The following AKR1E2 variants were observed in gnomAD, a reference collection of about 807,000 sequenced individuals.
AKR1E2 encodes the protein 1,5-anhydro-D-fructose reductase.
AKR1E2 carries 43 observed loss-of-function variants against 41.9 expected under a neutral mutation model. That is an observed-to-expected ratio of 1.03 (90% CI 0.80 to 1.32). The LOEUF (loss-of-function observed/expected upper bound fraction) is 1.32. AKR1E2 is among the 40% of genes most tolerant of loss of function. AKR1E2 has a pLI of 0.00. For missense variants in AKR1E2, 423 were observed against 396.5 expected (o/e 1.07, Z -0.57); for synonymous variants, 121 against 138.9 (o/e 0.87, Z 0.91).
intron 3 of AKR1E2, among the ~76,000 whole-genome samples, chr10:4,834,345 T>C (rs979840131): frequency 1.4e-4 from 21 of 152,266 alleles, no homozygotes; most frequent in African/African-American, 4.8e-4. Context: ...ACTAAGGCTT[T>C]GTATCTAGTT....
chr10:4,844,329 G>T (rs1281430879), intron 8 of AKR1E2, among the ~76,000 whole-genome samples: 1 of 152,184 alleles, frequency 6.6e-6, no homozygotes, highest in Non-Finnish European at 1.5e-5. Flanking sequence ...TGATGCTGCA[G>T]ACCTTTGCGG....
At chr10:4,844,275 G>T (rs1010231345) in intron 8 of AKR1E2, among the ~76,000 whole-genome samples, 6 of 152,128 alleles carry the variant, frequency 3.9e-5, no homozygotes, top group Non-Finnish European at 5.9e-5. Context: ...GTCTGGAGTT[G>T]TTCGTTCCTC....
At position 4,837,488 on chromosome 10, in the gene AKR1E2, G is replaced by A; in HGVS notation, c.489G>A (p.Leu163=). Residue 163 remains leucine, a synonymous_variant, in exon 5 of 10, where the codon CTG becomes CTA. Coordinates refer to ENST00000298375, the MANE Select transcript of AKR1E2 (RefSeq NM_001040177.3). ...EAMEDLVITG[L]VKNIGVSNFN... ...TGGAGGACCTGGTGATCACCGGGCT[G>A]GTGAAGAACATCGGGGTGTCAAACT... 1.9e-6 allele frequency: 3 copies of A among 1,614,188 alleles called. No homozygotes were observed. Among genetic ancestry groups the A allele is most frequent in the Non-Finnish European group, 1.7e-6 (2 of 1,180,032 alleles).
the AKR1E2 span, among the ~76,000 whole-genome samples, chr10:4,870,000 C>CTGTTTT: frequency 6.7e-6 from 1 of 150,270 alleles, no homozygotes. Flanking sequence ...TGAAAAGAAT[C>CTGTTTT]TGTTTTGTGC....
intron 3 of AKR1E2, 76 bp downstream of exon 3, chr10:4,833,542 G>A (rs753859997): frequency 1.6e-6 from 2 of 1,262,942 alleles, no homozygotes; most frequent in East Asian, 4.6e-5. Flanking sequence ...CTTGCGGTGG[G>A]GAGAGCATGG....
At chr10:4,845,199 A>G (rs2123353) in intron 8 of AKR1E2, among the ~76,000 whole-genome samples, 43,518 of 151,980 alleles carry the variant, frequency 0.29, 6,399 homozygotes, top group Middle Eastern at 0.39. Flanking sequence ...AGGGCTTGCC[A>G]GCCGCTCCGA....
chr10:4,867,677 G>T, the AKR1E2 span, among the ~76,000 whole-genome samples: 1 of 152,044 alleles, frequency 6.6e-6, no homozygotes, highest in Admixed American at 6.5e-5. Context: ...CCATTCATCC[G>T]TTGAAGAACT....
At chr10:4,826,422 C>A (rs989627535) in intron 1 of AKR1E2, 59 bp downstream of exon 1, 1 of 1,218,468 alleles carries the variant, frequency 8.2e-7, no homozygotes, top group Non-Finnish European at 1.0e-6. Flanking sequence ...GACTTGGGGG[C>A]GCCCGATGGG....
chr10:4,832,797 T>G (rs1323631382), intron 2 of AKR1E2, among the ~76,000 whole-genome samples: 1 of 152,308 alleles, frequency 6.6e-6, no homozygotes, highest in East Asian at 1.9e-4. Flanking sequence ...AGCCTTCAGG[T>G]TAGCTTATGT....
chr10:4,829,146 T>C (rs1039400062), intron 1 of AKR1E2, among the ~76,000 whole-genome samples: 1 of 152,244 alleles, frequency 6.6e-6, no homozygotes, highest in Non-Finnish European at 1.5e-5. Context: ...TTTTTTAATA[T>C]TGATACTCTT....
the AKR1E2 span, among the ~76,000 whole-genome samples, chr10:4,862,145 A>T: frequency 6.6e-6 from 1 of 152,222 alleles, no homozygotes; most frequent in African/African-American, 2.4e-5. Flanking sequence ...AGCTTTCTAC[A>T]TATGGCTAGC....
chr10:4,857,128 T>C, the AKR1E2 span, among the ~76,000 whole-genome samples: 1 of 152,212 alleles, frequency 6.6e-6, no homozygotes, highest in African/African-American at 2.4e-5. Flanking sequence ...TTATTTCACT[T>C]ACCATATTGT....
At chr10:4,837,637 C>G in intron 5 of AKR1E2, 56 bp downstream of exon 5, 2 of 1,585,452 alleles carry the variant, frequency 1.3e-6, no homozygotes, top group Non-Finnish European at 1.7e-6. Context: ...CCCCAGCTGC[C>G]ACCTCCACAG....
chr10:4,831,840 G>A, intron 2 of AKR1E2, among the ~76,000 whole-genome samples: 1 of 152,086 alleles, frequency 6.6e-6, no homozygotes, highest in East Asian at 1.9e-4. Context: ...TTTAAATAGG[G>A]CAGCTTGTAT....
the AKR1E2 span, among the ~76,000 whole-genome samples, chr10:4,868,336 C>T: frequency 5.3e-5 from 8 of 152,148 alleles, no homozygotes; most frequent in African/African-American, 1.7e-4. Flanking sequence ...TTCTCTCATC[C>T]ATTATCTAAA....
chr10:4,869,402 T>C, the AKR1E2 span, among the ~76,000 whole-genome samples: 1 of 152,128 alleles, frequency 6.6e-6, no homozygotes, highest in Admixed American at 6.5e-5. Flanking sequence ...GTTGGTAGTC[T>C]ATATCTTCTC....
the AKR1E2 span, among the ~76,000 whole-genome samples, chr10:4,862,178 T>C: frequency 1.3e-5 from 2 of 152,236 alleles, no homozygotes; most frequent in African/African-American, 2.4e-5. Context: ...CACCATTTGT[T>C]GAATAGGGAA....
Position 4,837,556 on chromosome 10 carries a change from T to C in AKR1E2, c.557T>C (p.Leu186Ser), listed in dbSNP as rs76596595. ...QLERLLNKPG[L>S]RFKPLTNQIE... is the part of the protein sequence containing the mutation. Reference sequence around the variant, plus strand: ...GAGAGGCTTTTGAATAAGCCTGGGTTGAGGTTCAAGCCACTAACCAACCAG... The same window carrying C: ...GAGAGGCTTTTGAATAAGCCTGGGTCGAGGTTCAAGCCACTAACCAACCAG... Residue 186 changes from leucine to serine, a missense_variant, in exon 5 of 10, where the codon TTG (leucine) becomes TCG (serine). By Grantham distance (145) the Leu-to-Ser change is moderately radical. Transcript: ENST00000298375. 1.2e-6 allele frequency: 2 copies of C among 1,613,652 alleles called. No homozygotes were observed. The highest frequency in any genetic ancestry group is 1.7e-5 in the Admixed American group (1 of 59,996).
chr10:4,848,368 G>C (rs1834461010), downstream of AKR1E2, among the ~76,000 whole-genome samples: 1 of 152,228 alleles, frequency 6.6e-6, no homozygotes, highest in East Asian at 1.9e-4. Context: ...TGCAGAGCAT[G>C]GTGTTCACGC....
Sources: allele counts gnomAD v4.1 joint callset (sites outside exome capture counted in the v4.1 genomes callset), GRCh38; gene constraint gnomAD v4.1.1; transcripts MANE v1.5; gene names NCBI Gene and HGNC (gene_info 2026-07-23, HGNC 2026-07-21).